Variants in TMEM273 observed in about 807,000 individuals in gnomAD.
TMEM273 encodes chromosome 10 open reading frame 128.
Under a neutral mutation model 17.9 loss-of-function variants are expected in TMEM273, and 19 were observed. The observed-to-expected ratio is 1.06, with a 90% CI of 0.74 to 1.55. The LOEUF (loss-of-function observed/expected upper bound fraction) is 1.55. Among genes scored for constraint, TMEM273 ranks in the 40% most tolerant of loss-of-function variants. TMEM273 has a pLI of 0.00. For missense variants in TMEM273, 194 were observed against 155.6 expected, an observed-to-expected ratio of 1.25 and a Z score of -1.31; for synonymous variants, 66 against 62.0, an observed-to-expected ratio of 1.07 and a Z score of -0.31.
At chr10:49,168,567 G>A (rs1462758658) in intron 1 of TMEM273, among the ~76,000 whole-genome samples, 2 of 152,180 alleles carry the variant, frequency 1.3e-5, no homozygotes, top group East Asian at 3.9e-4. Context: ...TACGTCTTCT[G>A]GCTGGTCTCG....
intron 1 of TMEM273, among the ~76,000 whole-genome samples, chr10:49,186,900 C>A (rs1295588519): frequency 6.6e-6 from 1 of 152,176 alleles, no homozygotes; most frequent in Non-Finnish European, 1.5e-5. Flanking sequence ...ACATCTTCAG[C>A]AGAGCACCCA....
Position 49,167,919 on chromosome 10 carries a change from C to T in TMEM273, c.87G>A (p.Gly29=). The T allele has an allele frequency of 6.2e-7, 1 of 1,614,056 alleles. No individual in the cohort carries two copies. The highest frequency in any genetic ancestry group is 1.1e-5 in the South Asian group (1 of 91,070). The change falls in exon 2 of 7, where the codon GGG becomes GGA. Residue 29 remains glycine (G), a synonymous_variant. Coordinates refer to ENST00000374153, the MANE Select transcript of TMEM273 (RefSeq NM_001288740.3). ...AQVLATGKTP[G]AEIDFKYALI... is the part of the protein sequence containing the mutation. ...TGGGCAGCCACGTACCAATTTCAGC[C>T]CCAGGGGTCTTGCCTGTTGCCAGCA...
At chr10:49,174,797 G>T (rs552176306) in intron 1 of TMEM273, among the ~76,000 whole-genome samples, 1 of 152,150 alleles carries the variant, frequency 6.6e-6, no homozygotes, top group Non-Finnish European at 1.5e-5. Flanking sequence ...GACAATATGC[G>T]TGGTGTCAGA....
At chr10:49,174,384 G>A (rs1373461363) in intron 1 of TMEM273, among the ~76,000 whole-genome samples, 1 of 152,206 alleles carries the variant, frequency 6.6e-6, no homozygotes, top group East Asian at 1.9e-4. Flanking sequence ...CAGAATGCAG[G>A]GGCATAGGTC....
intron 1 of TMEM273, among the ~76,000 whole-genome samples, chr10:49,175,957 C>T (rs1466568708): frequency 6.6e-6 from 1 of 152,220 alleles, no homozygotes; most frequent in East Asian, 1.9e-4. Flanking sequence ...ACCTTTGAGC[C>T]TCTCTGTGGG....
chr10:49,160,895 G>C (rs191003017), intron 6 of TMEM273: 1 of 152,240 alleles, frequency 6.6e-6, no homozygotes, highest in Admixed American at 6.5e-5. Flanking sequence ...TTTTCATAAA[G>C]CAGGAGAGTG....
intron 1 of TMEM273, among the ~76,000 whole-genome samples, chr10:49,175,355 TCTC>T (rs1288807156): frequency 1.3e-5 from 2 of 152,090 alleles, no homozygotes; most frequent in Non-Finnish European, 2.9e-5. Flanking sequence ...CTGTGCCTTT[TCTC>T]CTCGCCGCAC....
chr10:49,183,213 A>G (rs1847456658), intron 1 of TMEM273, among the ~76,000 whole-genome samples: 1 of 152,142 alleles, frequency 6.6e-6, no homozygotes, highest in Non-Finnish European at 1.5e-5. Context: ...ATATAAAAGT[A>G]TTTTGTCAAC....
chr10:49,184,044 G>A (rs1378013167), intron 1 of TMEM273, among the ~76,000 whole-genome samples: 1 of 151,952 alleles, frequency 6.6e-6, no homozygotes, highest in Non-Finnish European at 1.5e-5. Flanking sequence ...AATGGGTACA[G>A]AATAGACATA....
intron 6 of TMEM273, among the ~76,000 whole-genome samples, chr10:49,157,470 A>T (rs1371649387): frequency 6.6e-6 from 1 of 152,248 alleles, no homozygotes; most frequent in Non-Finnish European, 1.5e-5. Flanking sequence ...CTTTGACCAC[A>T]TCCTCCAAGA....
intron 1 of TMEM273, among the ~76,000 whole-genome samples, chr10:49,174,302 G>A (rs929921004): frequency 2.6e-5 from 4 of 152,166 alleles, no homozygotes; most frequent in Admixed American, 6.5e-5. Context: ...GGCACTCCAC[G>A]GGGCTGTTTG....
intron 6 of TMEM273, chr10:49,160,482 G>A (rs1032776088): frequency 2.6e-5 from 4 of 151,810 alleles, no homozygotes; most frequent in Non-Finnish European, 5.9e-5. Context: ...AAAAGCAGAG[G>A]GGCTGTTCAA....
At chr10:49,157,620 C>A (rs1289302855) in intron 6 of TMEM273, among the ~76,000 whole-genome samples, 2 of 152,184 alleles carry the variant, frequency 1.3e-5, no homozygotes, top group South Asian at 2.1e-4. Context: ...TGAAAAAAAT[C>A]TTTGGCAAAA....
At chr10:49,163,482 C>A (rs1845979193) in intron 5 of TMEM273, among the ~76,000 whole-genome samples, 1 of 152,168 alleles carries the variant, frequency 6.6e-6, no homozygotes, top group African/African-American at 2.4e-5. Context: ...GGGGCCTGGA[C>A]ACTTCACAGG....
At chr10:49,158,303 C>CTTT (rs112698847) in intron 6 of TMEM273, among the ~76,000 whole-genome samples, 1 of 146,034 alleles carries the variant, frequency 6.8e-6, no homozygotes, top group Non-Finnish European at 1.5e-5. Flanking sequence ...ATGTTTGCTT[C>CTTT]TTTTTTTTTT....
At chr10:49,157,523 A>G (rs1845585168) in intron 6 of TMEM273, among the ~76,000 whole-genome samples, 3 of 152,250 alleles carry the variant, frequency 2.0e-5, no homozygotes, top group African/African-American at 7.2e-5. Context: ...AAAAAGAAAC[A>G]AAAGTAAAAC....
At position 49,166,988 on chromosome 10, in the gene TMEM273, C is replaced by T. The variant is rs1846234322; in HGVS notation, c.119G>A (p.Gly40Glu). The T allele has an allele frequency of 6.2e-7, 1 of 1,614,164 alleles. No individual in the cohort carries two copies. Among genetic ancestry groups the T allele is most frequent in the East Asian group, 2.2e-5 (1 of 44,876 alleles). The change falls in exon 3 of 7, where the codon GGG becomes GAG. Residue 40 changes from glycine to glutamate, a missense_variant. By Grantham distance (98) the Gly-to-Glu change is moderately conservative. Coordinates refer to ENST00000374153, the MANE Select transcript of TMEM273 (RefSeq NM_001288740.3). ...AGATATGGCGACACCCACAGCAGTC[C>T]CGATGAGGGCGTACTTGAAATCTGA... is the stretch of plus-strand genomic sequence containing the variant. The part of the protein sequence containing the change: ...AEIDFKYALI[G>E]TAVGVAISAG...
At chr10:49,163,418 C>T (rs1052540758) in intron 5 of TMEM273, among the ~76,000 whole-genome samples, 1 of 152,080 alleles carries the variant, frequency 6.6e-6, no homozygotes, top group Non-Finnish European at 1.5e-5. Context: ...TGGTTACATG[C>T]CCTAGATGCA....
At chr10:49,172,107 C>T (rs1206091418) in intron 1 of TMEM273, among the ~76,000 whole-genome samples, 4 of 152,216 alleles carry the variant, frequency 2.6e-5, no homozygotes, top group Admixed American at 6.5e-5. Context: ...CAGAATGGCT[C>T]CTAACTTTAG....
Sources: gnomAD v4.1 joint callset for allele counts (sites outside exome capture counted in the v4.1 genomes callset) on GRCh38, gnomAD v4.1.1 for gene constraint, MANE v1.5 for transcripts, NCBI Gene and HGNC (gene_info 2026-07-23, HGNC 2026-07-21) for gene names.